Variants in PCSK6 observed in about 807,000 individuals in gnomAD.
PCSK6 encodes paired basic amino acid cleaving enzyme 4.
A neutral mutation model predicts 123.3 loss-of-function variants in PCSK6; 85 were observed. That is an observed-to-expected ratio of 0.69 (90% CI 0.58 to 0.83). The LOEUF (loss-of-function observed/expected upper bound fraction) is 0.83, where lower values mean the gene tolerates loss of function less well. Ranked by LOEUF, PCSK6 falls within the 40% of genes least tolerant of loss-of-function variation. The pLI, the probability that PCSK6 is intolerant of heterozygous loss-of-function variation, is 0.00. For synonymous variants in PCSK6, 508 were observed against 516.0 expected (o/e 0.98, Z 0.21); for missense variants, 1,191 against 1,282.3 (o/e 0.93, Z 1.09).
chr15:101,363,796 AT>A lies in PCSK6; in HGVS notation c.1858+2399del, dbSNP rs34172190. On this transcript the variant is annotated intron_variant, in intron 13 of 21. Coordinates refer to ENST00000611716, the MANE Select transcript of PCSK6 (RefSeq NM_002570.5). ...AGGTGCCTGCCACCTTGCCTGGCTAATTTTTTTTTTTTTTTGGATTTTTAGT... is the reference window on the plus strand; with the variant it reads ...AGGTGCCTGCCACCTTGCCTGGCTAATTTTTTTTTTTTTTGGATTTTTAGT... Among the ~76,000 whole-genome samples the A allele has an allele frequency of 3.7e-3, 521 of 142,582 alleles. 1 individual carries two copies. The highest frequency in any genetic ancestry group is 5.6e-3 in the African/African-American group (216 of 38,658). 93.5% of individuals were successfully genotyped at this position (142,582 alleles called of 152,430 possible).
chr15:101,328,434 G>A (rs1477859705), intron 15 of PCSK6, among the ~76,000 whole-genome samples: 2 of 152,182 alleles, frequency 1.3e-5, no homozygotes. Flanking sequence ...GCACAGAGCA[G>A]GTGCTCAATC....
intron 13 of PCSK6, among the ~76,000 whole-genome samples, chr15:101,339,893 G>A (rs185348068): frequency 2.0e-5 from 3 of 148,130 alleles, no homozygotes; most frequent in African/African-American, 5.1e-5. Context: ...CTGGGTGACA[G>A]AGCAAGACCC....
At chr15:101,392,648 TCTAC>T (rs923940938) in intron 8 of PCSK6, among the ~76,000 whole-genome samples, 28 of 140,050 alleles carry the variant, frequency 2.0e-4, no homozygotes, top group African/African-American at 7.5e-4. Context: ...AAGCACAAAT[TCTAC>T]CTGAGTACTA....
chr15:101,366,142 T>A (rs1379187944), intron 13 of PCSK6, 54 bp downstream of exon 13: 4 of 1,554,778 alleles, frequency 2.6e-6, no homozygotes. Flanking sequence ...GGCCCAGAGG[T>A]AAAAAGAGGC....
At chr15:101,461,155 A>G (rs775887536) in intron 1 of PCSK6, among the ~76,000 whole-genome samples, 2 of 152,238 alleles carry the variant, frequency 1.3e-5, no homozygotes, top group African/African-American at 4.8e-5. Context: ...GCAAACGAAT[A>G]AATAACATGA....
chr15:101,489,488 G>A lies in PCSK6; in HGVS notation c.183C>T (p.Cys61=). ...WLLLLALPAA[C]SAPPPRPVYT... is the part of the protein sequence containing the mutation. ...AGACGGGGCGCGGCGGGGGCGCGGAGCAGGCGGCAGGCAGCGCCAGCAGCA... is the reference window on the plus strand; with the variant it reads ...AGACGGGGCGCGGCGGGGGCGCGGAACAGGCGGCAGGCAGCGCCAGCAGCA... The change falls in exon 1 of 22, where the codon TGC becomes TGT. Residue 61 remains cysteine, a synonymous_variant. Coordinates refer to ENST00000611716, the MANE Select transcript of PCSK6 (RefSeq NM_002570.5). The A allele has an allele frequency of 9.3e-7, 1 of 1,071,168 alleles. No individual in the cohort carries two copies. Among genetic ancestry groups the A allele is most frequent in the Non-Finnish European group, 1.1e-6 (1 of 886,490 alleles). 66.4% of individuals were successfully genotyped at this position (1,071,168 alleles called of 1,614,324 possible). A position where few individuals can be genotyped will look rare whatever the true frequency, so the allele number is the denominator to read the frequency against.
At chr15:101,367,255 C>T (rs1243526136) in intron 12 of PCSK6, among the ~76,000 whole-genome samples, 3 of 152,238 alleles carry the variant, frequency 2.0e-5, no homozygotes, top group Non-Finnish European at 4.4e-5. Context: ...TCAGAAGTGA[C>T]TCTTTCTGTA....
chr15:101,444,253 T>C (rs1272104729), intron 1 of PCSK6, among the ~76,000 whole-genome samples: 1 of 152,162 alleles, frequency 6.6e-6, no homozygotes, highest in Non-Finnish European at 1.5e-5. Flanking sequence ...AGATTTCAGC[T>C]TGAGGACCGG....
At chr15:101,460,060 G>C (rs1431365093) in intron 1 of PCSK6, among the ~76,000 whole-genome samples, 7 of 151,778 alleles carry the variant, frequency 4.6e-5, no homozygotes. Flanking sequence ...CTGAACTGAG[G>C]GCCTCCTCCC....
chr15:101,434,409 G>T (rs2056536455), intron 2 of PCSK6, among the ~76,000 whole-genome samples: 1 of 152,218 alleles, frequency 6.6e-6, no homozygotes, highest in Non-Finnish European at 1.5e-5. Flanking sequence ...AGCCCAAGTG[G>T]GTGACACCCC....
intron 13 of PCSK6, among the ~76,000 whole-genome samples, chr15:101,338,651 C>T (rs2040536015): frequency 6.6e-6 from 1 of 152,244 alleles, no homozygotes; most frequent in Non-Finnish European, 1.5e-5. Flanking sequence ...ACTCTACAAG[C>T]CTGTTCAAGT....
intron 13 of PCSK6, chr15:101,347,865 G>A (rs1266226833): frequency 1.6e-5 from 17 of 1,032,790 alleles, no homozygotes; most frequent in Non-Finnish European, 2.6e-5. Context: ...GAGGGCAGCA[G>A]GAGGAAGCGC....
At chr15:101,468,611 C>G (rs955460451) in intron 1 of PCSK6, among the ~76,000 whole-genome samples, 2 of 152,230 alleles carry the variant, frequency 1.3e-5, no homozygotes, top group Non-Finnish European at 2.9e-5. Context: ...AATTGTATGG[C>G]TCCTCCAAAA....
At chr15:101,365,708 T>C (rs2041367377) in intron 13 of PCSK6, 1 of 153,546 alleles carries the variant, frequency 6.5e-6, no homozygotes, top group Non-Finnish European at 1.4e-5. Flanking sequence ...ATCCGTACAA[T>C]GGAATATCGT....
At chr15:101,425,507 T>C (rs1373755670) in intron 6 of PCSK6, among the ~76,000 whole-genome samples, 1 of 152,258 alleles carries the variant, frequency 6.6e-6, no homozygotes, top group Non-Finnish European at 1.5e-5. Flanking sequence ...GAGACTATAA[T>C]GCATATCCTA....
intron 2 of PCSK6, among the ~76,000 whole-genome samples, chr15:101,432,361 G>A (rs749509974): frequency 6.6e-6 from 1 of 150,642 alleles, no homozygotes. Context: ...AAGTGCTCAC[G>A]CCTGTCATCC....
Position 101,342,523 on chromosome 15 carries a change from T to TA in PCSK6, c.1859-10493dup, listed in dbSNP as rs772788722. Among the ~76,000 whole-genome samples, 9 of 152,366 alleles carry TA rather than the reference T, an allele frequency of 5.9e-5. No homozygotes were observed. The South Asian group carries it at 6.2e-4, about 11-fold the overall frequency. ...GATTTAGTTTTCTTGATATTGGGCT[T>TA]AGAATTTTTGTATTTATGTTCTTGA... On this transcript the variant is annotated intron_variant, in intron 13 of 21. Coordinates refer to ENST00000611716, the MANE Select transcript of PCSK6 (RefSeq NM_002570.5).
At chr15:101,360,001 G>T (rs1410453891) in intron 13 of PCSK6, among the ~76,000 whole-genome samples, 2 of 151,888 alleles carry the variant, frequency 1.3e-5, no homozygotes, top group East Asian at 3.9e-4. Flanking sequence ...TTCCCCCCCT[G>T]CAATGTTCCA....
rs1384203898 is a variant in PCSK6, at chr15:101,382,221, G to A, written c.1415-12C>T. 1 of 1,587,678 alleles carries A rather than the reference G, an allele frequency of 6.3e-7. No homozygotes were observed. The highest frequency in any genetic ancestry group is 2.3e-5 in the East Asian group (1 of 44,262). On this transcript the variant is annotated splice_polypyrimidine_tract_variant and intron_variant, in intron 10 of 21. Coordinates refer to ENST00000611716, the MANE Select transcript of PCSK6 (RefSeq NM_002570.5). The stretch of plus-strand genomic sequence containing the variant: ...ATAGAAATGGCTAACTGAAAAGACA[G>A]GCCCTTCAGAGCCAGGCTCTCCTGC...
Sources: allele counts gnomAD v4.1 joint callset (sites outside exome capture counted in the v4.1 genomes callset), GRCh38; gene constraint gnomAD v4.1.1; transcripts MANE v1.5; gene names NCBI Gene and HGNC (gene_info 2026-07-23, HGNC 2026-07-21).